Variants in CTTNBP2NL observed in about 807,000 individuals in gnomAD.
CTTNBP2NL encodes CTTNBP2 N-terminal-like protein.
Under a neutral mutation model 32.5 loss-of-function variants are expected in CTTNBP2NL, and 16 were observed. The observed-to-expected ratio is 0.49, with a 90% CI of 0.33 to 0.75. The LOEUF (loss-of-function observed/expected upper bound fraction) is 0.75, where lower values mean the gene tolerates loss of function less well. CTTNBP2NL is among the 30% of genes least tolerant of loss of function. The pLI is 0.02. For synonymous variants in CTTNBP2NL, 298 were observed against 289.4 expected, an observed-to-expected ratio of 1.03 and a Z score of -0.30; for missense variants, 645 against 756.0, an observed-to-expected ratio of 0.85 and a Z score of 1.72.
At chr1:112,413,465 C>T (rs974017588) in intron 2 of CTTNBP2NL, among the ~76,000 whole-genome samples, 2 of 152,172 alleles carry the variant, frequency 1.3e-5, no homozygotes, top group Non-Finnish European at 2.9e-5. Flanking sequence ...ACTTAATCTT[C>T]ATAGCAGCCC....
chr1:112,396,300 T>C (rs1648325110), intron 1 of CTTNBP2NL, 28 bp downstream of exon 1: 2 of 151,674 alleles, frequency 1.3e-5, no homozygotes, highest in Admixed American at 1.3e-4. Context: ...TGGGGCTTGG[T>C]GATGGCTGGG....
At chr1:112,447,332 TC>T (rs1650081325) in intron 3 of CTTNBP2NL, among the ~76,000 whole-genome samples, 1 of 140,276 alleles carries the variant, frequency 7.1e-6, no homozygotes, top group Non-Finnish European at 1.5e-5. Context: ...GTTTTATACC[TC>T]CCCCACTTTT....
intron 3 of CTTNBP2NL, among the ~76,000 whole-genome samples, chr1:112,444,920 A>T (rs938518553): frequency 6.6e-6 from 1 of 152,124 alleles, no homozygotes; most frequent in Non-Finnish European, 1.5e-5. Context: ...TCTGCCCCCA[A>T]ATTTACCAGA....
chr1:112,420,028 G>A (rs182188460), intron 3 of CTTNBP2NL, among the ~76,000 whole-genome samples: 1 of 152,130 alleles, frequency 6.6e-6, no homozygotes. Flanking sequence ...CTTTATTTAG[G>A]TTACTGAGTT....
intron 1 of CTTNBP2NL, among the ~76,000 whole-genome samples, chr1:112,408,951 AC>A (rs1159306348): frequency 2.0e-5 from 3 of 151,918 alleles, no homozygotes; most frequent in East Asian, 1.9e-4. Context: ...ACATGGTGAG[AC>A]CCCCGTCTCT....
At chr1:112,402,996 AC>A (rs1316001761) in intron 1 of CTTNBP2NL, among the ~76,000 whole-genome samples, 1 of 151,894 alleles carries the variant, frequency 6.6e-6, no homozygotes, top group African/African-American at 2.4e-5. Context: ...CATTCTAGTC[AC>A]CCAGTCTCAA....
chr1:112,456,210 T>C lies in CTTNBP2NL; in HGVS notation c.718T>C (p.Ser240Pro). ...TGAGGCCCAGGTAGAGAAGCAGTTA[T>C]CAGAGTTTGACATCGAAAGGGAACA... is the stretch of plus-strand genomic sequence containing the variant. ...QTEAQVEKQL[S>P]EFDIEREQLR... The change falls in exon 6 of 6, where the codon TCA (serine) becomes CCA (proline). Residue 240 changes from serine (S) to proline (P), a missense_variant. Transcript: ENST00000271277. 1 of 1,614,020 alleles carries C rather than the reference T, an allele frequency of 6.2e-7. No individual in the cohort carries two copies. Among genetic ancestry groups the C allele is most frequent in the Non-Finnish European group, 8.5e-7 (1 of 1,180,028 alleles).
At chr1:112,418,907 T>C (rs1164885685) in intron 3 of CTTNBP2NL, among the ~76,000 whole-genome samples, 3 of 152,218 alleles carry the variant, frequency 2.0e-5, no homozygotes, top group Non-Finnish European at 4.4e-5. Context: ...ACATCGGGTA[T>C]ATTACATCTG....
chr1:112,449,994 A>C (rs1650170462), intron 4 of CTTNBP2NL, among the ~76,000 whole-genome samples: 1 of 152,232 alleles, frequency 6.6e-6, no homozygotes, highest in Admixed American at 6.5e-5. Flanking sequence ...CCTGTAAAAG[A>C]TGCTTGGCTA....
chr1:112,400,394 C>T (rs1257032219), intron 1 of CTTNBP2NL, among the ~76,000 whole-genome samples: 2 of 152,194 alleles, frequency 1.3e-5, no homozygotes, highest in Admixed American at 6.5e-5. Context: ...GGTGCGGAGG[C>T]TCACACCTGT....
intron 3 of CTTNBP2NL, among the ~76,000 whole-genome samples, chr1:112,434,328 G>A (rs1413141061): frequency 6.6e-6 from 1 of 152,124 alleles, no homozygotes; most frequent in Non-Finnish European, 1.5e-5. Flanking sequence ...TTCTGCCTTT[G>A]TTCTCTGTTT....
rs537598494 is a variant in CTTNBP2NL at position 112,435,013 on chromosome 1, C to T, written c.100-13929C>T. 1.6e-4 allele frequency among the ~76,000 whole-genome samples: 24 copies of T among 151,872 alleles called. No homozygotes were observed. The East Asian group carries it at 3.7e-3, about 23-fold the overall frequency. On this transcript the variant is annotated intron_variant, in intron 3 of 5. Transcript: ENST00000271277. Reference sequence around the variant, plus strand: ...TAAAAATTAGCCACACATGGTGGCACGCACCTGTAATCCCAGCTACTCTGG... The same window carrying T: ...TAAAAATTAGCCACACATGGTGGCATGCACCTGTAATCCCAGCTACTCTGG...
intron 3 of CTTNBP2NL, among the ~76,000 whole-genome samples, chr1:112,424,979 C>T (rs1241713589): frequency 6.7e-6 from 1 of 150,110 alleles, no homozygotes; most frequent in African/African-American, 2.5e-5. Context: ...CAACGCCCAG[C>T]TAAATTTTTT....
At position 112,431,812 on chromosome 1, in the gene CTTNBP2NL, A is replaced by G. The variant is rs571179855; in HGVS notation, c.99+15548A>G. 2.0e-5 allele frequency among the ~76,000 whole-genome samples: 3 copies of G among 152,296 alleles called. No homozygotes were observed. In the East Asian group the frequency reaches 5.8e-4, roughly 29 times the overall value. ...TAATATCTATGTAATTAGGTTTTAT[A>G]CACACAGACACCACACACATGCAAA... is the stretch of plus-strand genomic sequence containing the variant. On this transcript the variant is annotated intron_variant, in intron 3 of 5. Transcript: ENST00000271277.
chr1:112,446,400 A>C (rs955422578), intron 3 of CTTNBP2NL, among the ~76,000 whole-genome samples: 2 of 152,090 alleles, frequency 1.3e-5, no homozygotes, highest in African/African-American at 4.8e-5. Flanking sequence ...AAAATTTGAT[A>C]CTTTCAGTGA....
At chr1:112,391,864 G>A (rs938364971), upstream of CTTNBP2NL, among the ~76,000 whole-genome samples, 14 of 152,048 alleles carry the variant, frequency 9.2e-5, no homozygotes, top group Admixed American at 7.9e-4. Flanking sequence ...AGTGGTGCGC[G>A]CCTGTAATCC....
At position 112,456,037 on chromosome 1, in the gene CTTNBP2NL, TAGTGCTTG is replaced by T; in HGVS notation, c.551_558del (p.Leu184GlnfsTer30). 1 of 1,614,170 alleles carries T rather than the reference TAGTGCTTG, an allele frequency of 6.2e-7. No individual in the cohort carries two copies. Among genetic ancestry groups the T allele is most frequent in the African/African-American group, 1.3e-5 (1 of 75,046 alleles). ...CGCCACAAGCAGCTCTCATCCATGCTAGTGCTTGAGTGCAAGAAAGCCACCAACAAGGC... is the reference window on the plus strand; with the variant it reads ...CGCCACAAGCAGCTCTCATCCATGCTAGTGCAAGAAAGCCACCAACAAGGC... On this transcript the variant is annotated frameshift_variant, in exon 6 of 6. Transcript: ENST00000271277. LOFTEE classifies it high-confidence loss of function.
At chr1:112,445,389 T>C (rs1650008945) in intron 3 of CTTNBP2NL, among the ~76,000 whole-genome samples, 1 of 144,422 alleles carries the variant, frequency 6.9e-6, no homozygotes, top group East Asian at 1.9e-4. Context: ...TGTTTTGGGG[T>C]TTTTTTATTA....
chr1:112,446,397 G>T (rs188184232), intron 3 of CTTNBP2NL, among the ~76,000 whole-genome samples: 49 of 152,122 alleles, frequency 3.2e-4, no homozygotes, highest in Admixed American at 2.9e-3. Flanking sequence ...AAAAAAATTT[G>T]ATACTTTCAG....
Sources: gnomAD v4.1 joint callset for allele counts (sites outside exome capture counted in the v4.1 genomes callset) on GRCh38, gnomAD v4.1.1 for gene constraint, MANE v1.5 for transcripts, NCBI Gene and HGNC (gene_info 2026-07-23, HGNC 2026-07-21) for gene names.